Variants in GCSAML observed in about 807,000 individuals in gnomAD.
GCSAML encodes germinal center-associated signaling and motility-like protein.
GCSAML carries 9 observed loss-of-function variants against 13.0 expected under a neutral mutation model. The ratio of observed to expected loss-of-function variants is 0.69; its 90% confidence interval spans 0.42 to 1.21. The LOEUF (loss-of-function observed/expected upper bound fraction) is 1.21, where lower values mean the gene tolerates loss of function less well. Ranked by LOEUF, GCSAML falls within the 50% of genes most tolerant of loss-of-function variation. The pLI is 0.00. For missense variants in GCSAML, 143 were observed against 153.4 expected (o/e 0.93, Z 0.36); for synonymous variants, 37 against 52.9 (o/e 0.70, Z 1.31).
At chr1:247,564,026 C>T (rs1263170064) in intron 3 of GCSAML, among the ~76,000 whole-genome samples, 5 of 151,916 alleles carry the variant, frequency 3.3e-5, no homozygotes, top group African/African-American at 4.8e-5. Flanking sequence ...CCCCGCCTTC[C>T]GGGTTCAAGT....
chr1:247,532,536 G>A, intron 2 of GCSAML: 3 of 1,604,478 alleles, frequency 1.9e-6, no homozygotes, highest in Non-Finnish European at 2.6e-6. Flanking sequence ...GGGGCAAAAG[G>A]CCACCTGTGG....
At chr1:247,569,882 A>G (rs1668533339) in intron 4 of GCSAML, among the ~76,000 whole-genome samples, 1 of 152,156 alleles carries the variant, frequency 6.6e-6, no homozygotes, top group Non-Finnish European at 1.5e-5. Context: ...CTTCAGTTTC[A>G]GAACTTGTTA....
upstream of GCSAML, among the ~76,000 whole-genome samples, chr1:247,546,484 G>A (rs1020885823): frequency 3.3e-5 from 5 of 151,776 alleles, no homozygotes; most frequent in African/African-American, 7.3e-5. Flanking sequence ...TCAGCCTCCC[G>A]AGTAGCTGGG....
intron 1 of GCSAML, among the ~76,000 whole-genome samples, chr1:247,551,951 C>T (rs1336316725): frequency 6.6e-6 from 1 of 152,156 alleles, no homozygotes; most frequent in Non-Finnish European, 1.5e-5. Flanking sequence ...GGAATGGGGG[C>T]TTATGACCTA....
intron 1 of GCSAML, among the ~76,000 whole-genome samples, chr1:247,507,762 G>C (rs1308579883): frequency 2.0e-5 from 3 of 152,070 alleles, no homozygotes; most frequent in Non-Finnish European, 2.9e-5. Flanking sequence ...GAAAACATGT[G>C]GTGTTTGGTT....
Position 247,562,496 on chromosome 1 carries a change from A to G in GCSAML, c.90-1094A>G, listed in dbSNP as rs1472495209. 2.0e-5 allele frequency among the ~76,000 whole-genome samples: 3 copies of G among 152,172 alleles called. No individual in the cohort carries two copies. In the East Asian group the frequency reaches 5.8e-4, roughly 29 times the overall value. On this transcript the variant is annotated intron_variant, in intron 2 of 4. Coordinates refer to ENST00000366488, the MANE Select transcript of GCSAML (RefSeq NM_145278.5). ...ATTTCCTTGCTTGGCAGTGCCAGAC[A>G]GACTTCCAAGAGGGGTCTCTGCTCT...
At chr1:247,556,694 T>C (rs1667964614) in intron 2 of GCSAML, among the ~76,000 whole-genome samples, 1 of 152,176 alleles carries the variant, frequency 6.6e-6, no homozygotes, top group Non-Finnish European at 1.5e-5. Flanking sequence ...TTATATAATG[T>C]GAGTGTAGAA....
At chr1:247,507,589 T>C (rs1665873566) in intron 1 of GCSAML, among the ~76,000 whole-genome samples, 1 of 152,124 alleles carries the variant, frequency 6.6e-6, no homozygotes, top group African/African-American at 2.4e-5. Flanking sequence ...TTGTTAAGCA[T>C]GTATACACGT....
chr1:247,563,130 A>C (rs1176168), intron 2 of GCSAML, among the ~76,000 whole-genome samples: 3 of 151,726 alleles, frequency 2.0e-5, no homozygotes, highest in South Asian at 2.1e-4. Context: ...TCACAGGCAT[A>C]AGCCATCCCA....
At chr1:247,535,039 C>T (rs745333775) in intron 2 of GCSAML, among the ~76,000 whole-genome samples, 11 of 152,026 alleles carry the variant, frequency 7.2e-5, no homozygotes, top group African/African-American at 1.7e-4. Flanking sequence ...AAGCCGGGGG[C>T]GGTGGCTCAT....
intron 1 of GCSAML, chr1:247,519,551 G>A (rs987997103): frequency 1.3e-5 from 2 of 152,176 alleles, no homozygotes; most frequent in African/African-American, 2.4e-5. Flanking sequence ...CTGCCTAAGA[G>A]CAGTGTTTCC....
intron 4 of GCSAML, among the ~76,000 whole-genome samples, chr1:247,568,788 A>C (rs1668484998): frequency 6.6e-6 from 1 of 152,130 alleles, no homozygotes; most frequent in Non-Finnish European, 1.5e-5. Context: ...TTTTCACAAT[A>C]TTGATTCTTC....
chr1:247,574,637 A>AT lies in GCSAML; in HGVS notation c.*256dup. 4.6e-6 allele frequency: 2 copies of AT among 435,620 alleles called. No individual in the cohort carries two copies. The highest frequency in any genetic ancestry group is 8.9e-5 in the South Asian group (2 of 22,554). 27.0% of individuals were successfully genotyped at this position (435,620 alleles called of 1,614,324 possible). On this transcript the variant is annotated 3_prime_UTR_variant, in exon 5 of 5. Coordinates refer to ENST00000366488, the MANE Select transcript of GCSAML (RefSeq NM_145278.5). ...TGTAAAGTTTGAGGACATGGAGGTG[A>AT]TAAAAAAAACTTTCTTAGGACAATA...
intron 4 of GCSAML, among the ~76,000 whole-genome samples, chr1:247,570,369 C>T (rs1668555763): frequency 6.6e-6 from 1 of 152,208 alleles, no homozygotes; most frequent in African/African-American, 2.4e-5. Context: ...CCTCTAAACA[C>T]TGCTTTAGCT....
intron 1 of GCSAML, among the ~76,000 whole-genome samples, chr1:247,516,908 T>C (rs79705267): frequency 0.014 from 2,101 of 152,316 alleles, 46 homozygotes; most frequent in African/African-American, 0.046. Context: ...GCGCAGATAC[T>C]TGATGGGTGT....
chr1:247,556,631 C>G (rs1362530757), intron 2 of GCSAML, among the ~76,000 whole-genome samples, 165 bp downstream of exon 2: 1 of 152,158 alleles, frequency 6.6e-6, no homozygotes, highest in Non-Finnish European at 1.5e-5. Flanking sequence ...TAGACATTGA[C>G]TCTGTCTAAA....
chr1:247,547,977 C>T (rs772599296), upstream of GCSAML, among the ~76,000 whole-genome samples: 10 of 152,048 alleles, frequency 6.6e-5, no homozygotes, highest in Non-Finnish European at 1.2e-4. Flanking sequence ...TGTTTATAAT[C>T]GATAAATAAA....
intron 2 of GCSAML, among the ~76,000 whole-genome samples, chr1:247,535,416 T>C (rs1484205287): frequency 6.6e-6 from 1 of 152,132 alleles, no homozygotes; most frequent in Non-Finnish European, 1.5e-5. Context: ...TGAACTGGGA[T>C]TGGGAGAGTT....
chr1:247,567,806 C>T (rs752058033), intron 4 of GCSAML, among the ~76,000 whole-genome samples: 3 of 152,126 alleles, frequency 2.0e-5, no homozygotes, highest in African/African-American at 4.8e-5. Flanking sequence ...AGTGTAAAAG[C>T]GTTCCTATTT....
Sources: allele counts gnomAD v4.1 joint callset (sites outside exome capture counted in the v4.1 genomes callset), GRCh38; gene constraint gnomAD v4.1.1; transcripts MANE v1.5; gene names NCBI Gene and HGNC (gene_info 2026-07-23, HGNC 2026-07-21).